PIEZO1: variants seen among roughly 807,000 people sequenced by gnomAD.
The protein encoded by PIEZO1 is piezo type mechanosensitive ion channel component 1 (Er blood group).
In PIEZO1, 296 loss-of-function variants were observed where a neutral mutation model predicts 297.2. The observed-to-expected ratio is 1.00, with a 90% CI of 0.91 to 1.10. PIEZO1 has a LOEUF of 1.10. Among genes scored for constraint, PIEZO1 ranks in the 50% least tolerant of loss-of-function variants. The probability of loss-of-function intolerance (pLI) is 0.00; values close to 1 mark genes in which losing one functional copy is unlikely to be tolerated. For synonymous variants in PIEZO1, 2,427 were observed against 1,507.5 expected, an observed-to-expected ratio of 1.61 and a Z score of -14.13; for missense variants, 5,018 against 3,455.5, an observed-to-expected ratio of 1.45 and a Z score of -11.34.
At chr16:88,759,421 C>T (rs1418451162) in intron 1 of PIEZO1, among the ~76,000 whole-genome samples, 2 of 152,222 alleles carry the variant, frequency 1.3e-5, no homozygotes, top group African/African-American at 4.8e-5. Context: ...GGTCCAAGCC[C>T]CAGCTGCCCT....
intron 2 of PIEZO1, chr16:88,743,624 C>G (rs1328789826): frequency 6.6e-6 from 3 of 456,548 alleles, no homozygotes; most frequent in South Asian, 1.5e-5. Flanking sequence ...AGGTGACAGA[C>G]TCGGGATTGG....
intron 2 of PIEZO1, among the ~76,000 whole-genome samples, chr16:88,748,719 T>G (rs968256057): frequency 1.3e-5 from 2 of 152,066 alleles, no homozygotes; most frequent in Admixed American, 1.3e-4. Context: ...TCACAGCCCC[T>G]GCAACACGGA....
intron 1 of PIEZO1, among the ~76,000 whole-genome samples, chr16:88,750,290 T>A (rs1455125339): frequency 6.7e-6 from 1 of 149,960 alleles, no homozygotes; most frequent in African/African-American, 2.5e-5. Flanking sequence ...GAGCCGAGAT[T>A]GAGCCACTGC....
chr16:88,716,300 C>G, intron 48 of PIEZO1, 23 bp from the exon 49 acceptor site: 1 of 1,490,462 alleles, frequency 6.7e-7, no homozygotes, highest in Non-Finnish European at 9.0e-7. Context: ...GCTGGCAGGT[C>G]AGGCCTGGCC....
At chr16:88,731,478 G>C in intron 22 of PIEZO1, 2 of 568,052 alleles carry the variant, frequency 3.5e-6, no homozygotes, top group Non-Finnish European at 6.3e-6. Flanking sequence ...AGAATACTGG[G>C]CAAAAAAGGA....
At chr16:88,783,918 A>G (rs1304550108) in intron 1 of PIEZO1, among the ~76,000 whole-genome samples, 1 of 152,196 alleles carries the variant, frequency 6.6e-6, no homozygotes, top group Non-Finnish European at 1.5e-5. Flanking sequence ...TTTTACAATC[A>G]AAAGGCCCCA....
chr16:88,728,168 T>G (rs1030748389), intron 22 of PIEZO1, among the ~76,000 whole-genome samples: 1 of 152,226 alleles, frequency 6.6e-6, no homozygotes, highest in African/African-American at 2.4e-5. Flanking sequence ...CTGGGAGTCC[T>G]GCTGACGTGG....
rs758149604 is a variant in PIEZO1, at chr16:88,717,101, CATGAAG to C, written c.6576_6581del (p.Phe2193_Met2194del). The C allele has an allele frequency of 7.1e-6, 11 of 1,551,250 alleles. No individual in the cohort carries two copies. The highest frequency in any genetic ancestry group is 9.6e-6 in the Non-Finnish European group (11 of 1,147,190). The stretch of plus-strand genomic sequence containing the variant: ...CCCCAACCACGGAGCGCACCAGCGA[CATGAAG>C]AGCAGTGGGAACCAGATGATGGCGA... On this transcript the variant is annotated inframe_deletion, in exon 45 of 51. Transcript: ENST00000301015.
At chr16:88,745,926 C>T (rs1193755918) in intron 2 of PIEZO1, among the ~76,000 whole-genome samples, 1 of 152,128 alleles carries the variant, frequency 6.6e-6, no homozygotes, top group Non-Finnish European at 1.5e-5. Flanking sequence ...GGCTGAGGGG[C>T]CCCACCACGG....
intron 1 of PIEZO1, among the ~76,000 whole-genome samples, chr16:88,777,003 G>A (rs1362335783): frequency 6.6e-6 from 1 of 152,178 alleles, no homozygotes; most frequent in Non-Finnish European, 1.5e-5. Context: ...ATGGAGTTTC[G>A]CTCTTGTTGC....
At chr16:88,741,242 T>C (rs1023720679) in intron 5 of PIEZO1, 44 of 474,296 alleles carry the variant, frequency 9.3e-5, no homozygotes, top group Non-Finnish European at 1.5e-4. Context: ...ACAGATGCCA[T>C]GTCGGGGCGT....
chr16:88,760,985 G>T (rs1252670251), intron 1 of PIEZO1, among the ~76,000 whole-genome samples: 1 of 152,218 alleles, frequency 6.6e-6, no homozygotes, highest in East Asian at 1.9e-4. Context: ...CACCGCACCT[G>T]CCACAGCCAT....
chr16:88,734,577 C>T, intron 15 of PIEZO1, 39 bp from the exon 16 acceptor site: 2 of 1,545,568 alleles, frequency 1.3e-6, no homozygotes, highest in Non-Finnish European at 8.7e-7. Context: ...CGGCCCCCGG[C>T]AGAGCCGCTG....
At chr16:88,755,991 C>CAAA (rs1274099761) in intron 1 of PIEZO1, among the ~76,000 whole-genome samples, 5 of 152,232 alleles carry the variant, frequency 3.3e-5, no homozygotes, top group African/African-American at 9.6e-5. Flanking sequence ...GCCAGGACAG[C>CAAA]AGAAGAAGGA....
rs746860182 is a variant in PIEZO1 at position 88,723,156 on chromosome 16, G to A, written c.4439-5C>T. ...CCTCCTGGCTGGGACCACCTCCTGG[G>A]CACAGGATGCTGGTGAGTGACTGGC... On this transcript the variant is annotated splice_polypyrimidine_tract_variant and splice_region_variant and intron_variant, in intron 32 of 50. Transcript: ENST00000301015. The A allele has an allele frequency of 5.2e-6, 8 of 1,549,156 alleles. No homozygotes were observed. The highest frequency in any genetic ancestry group is 1.4e-5 in the African/African-American group (1 of 73,030).
chr16:88,760,160 C>T (rs932907149), intron 1 of PIEZO1, among the ~76,000 whole-genome samples: 19 of 152,008 alleles, frequency 1.2e-4, no homozygotes, highest in African/African-American at 4.6e-4. Context: ...GGCGGGGCCT[C>T]CGTGCCCTCA....
chr16:88,716,448 T>TTGGCATACTCCACAG lies in PIEZO1; in HGVS notation c.6947_6961dup (p.Thr2316_Ala2320dup). 1 of 1,549,710 alleles carries TTGGCATACTCCACAG rather than the reference T, an allele frequency of 6.5e-7. No homozygotes were observed. Among genetic ancestry groups the TTGGCATACTCCACAG allele is most frequent in the Admixed American group, 2.0e-5 (1 of 50,912 alleles). ...GGCCAGGGCCAGCATGTGCTTCTCG[T>TTGGCATACTCCACAG]TGGCATACTCCACAGTGCCTCCCTT... On this transcript the variant is annotated inframe_insertion, in exon 48 of 51. Transcript: ENST00000301015.
At chr16:88,768,733 C>T (rs28696750) in intron 1 of PIEZO1, among the ~76,000 whole-genome samples, 60,721 of 152,006 alleles carry the variant, frequency 0.4, 12,800 homozygotes, top group Non-Finnish European at 0.46. Context: ...GCTGACCGTC[C>T]CCACCCCTGC....
rs1040242175 is a variant in PIEZO1 at position 88,785,039 on chromosome 16, C to T, written c.-75G>A. On this transcript the variant is annotated 5_prime_UTR_variant, in exon 1 of 51. Coordinates refer to ENST00000301015, the MANE Select transcript of PIEZO1 (RefSeq NM_001142864.4). ...ATGGGGCGGTGCGGGGGCCCCGGGG[C>T]CGGCGCGCCATGGCTGACCCGCGGG... 1.5e-4 allele frequency: 138 copies of T among 934,714 alleles called. No individual in the cohort carries two copies. The highest frequency in any genetic ancestry group is 8.3e-4 in the Middle Eastern group (2 of 2,424). 57.9% of individuals were successfully genotyped at this position (934,714 alleles called of 1,614,324 possible).
Sources: allele counts gnomAD v4.1 joint callset (sites outside exome capture counted in the v4.1 genomes callset), GRCh38; gene constraint gnomAD v4.1.1; transcripts MANE v1.5; gene names NCBI Gene and HGNC (gene_info 2026-07-23, HGNC 2026-07-21).